NCKAP5L: variants seen among roughly 807,000 people sequenced by gnomAD.
NCKAP5L encodes the protein nck-associated protein 5-like.
A neutral mutation model predicts 103.2 loss-of-function variants in NCKAP5L; 54 were observed. The observed-to-expected ratio is 0.52, with a 90% confidence interval of 0.42 to 0.66. The LOEUF is 0.66. NCKAP5L is among the 30% of genes least tolerant of loss of function. NCKAP5L has a pLI of 0.00. For synonymous variants in NCKAP5L, 762 were observed against 748.6 expected, an observed-to-expected ratio of 1.02 and a Z score of -0.29; for missense variants, 1,733 against 1,750.6, an observed-to-expected ratio of 0.99 and a Z score of 0.18.
At chr12:49,803,309 T>G (rs1212676159) in intron 3 of NCKAP5L, 144 bp from the exon 4 acceptor site, 2 of 773,966 alleles carry the variant, frequency 2.6e-6, no homozygotes, top group African/African-American at 1.7e-5. Context: ...GAGCAGATTC[T>G]CATATGAGGA....
chr12:49,806,444 G>T (rs1248049908), intron 1 of NCKAP5L, among the ~76,000 whole-genome samples: 1 of 152,228 alleles, frequency 6.6e-6, no homozygotes, highest in East Asian at 1.9e-4. Flanking sequence ...GCTATTATCA[G>T]TGCCTGTGTT....
chr12:49,795,059 C>T lies in NCKAP5L; in HGVS notation c.2801G>A (p.Arg934His), dbSNP rs745480422. 24 of 1,610,528 alleles carry T rather than the reference C, an allele frequency of 1.5e-5. No homozygotes were observed. The highest frequency in any genetic ancestry group is 6.7e-5 in the East Asian group (3 of 44,816). ...CTCCTTGTTCTTGGTGGCCTCTGTGCGGCGGTTCAGCGCTGGCAGCTTGCT... is the reference window on the plus strand; with the variant it reads ...CTCCTTGTTCTTGGTGGCCTCTGTGTGGCGGTTCAGCGCTGGCAGCTTGCT... ...KKSKLPALNR[R>H]TEATKNKEGA... Residue 934 changes from arginine (R) to histidine (H), a missense_variant, in exon 8 of 13, where the codon CGC becomes CAC. Arg to His is a conservative substitution (Grantham distance 29, BLOSUM62 0). Transcript: ENST00000335999.
At chr12:49,807,244 T>C (rs2137019904) in intron 1 of NCKAP5L, among the ~76,000 whole-genome samples, 1 of 142,000 alleles carries the variant, frequency 7.0e-6, no homozygotes, top group African/African-American at 2.8e-5. Flanking sequence ...AGAATGCTTC[T>C]TCGTGTGTGT....
At position 49,795,961 on chromosome 12, in the gene NCKAP5L, G is replaced by C. The variant is rs376915524; in HGVS notation, c.1899C>G (p.Pro633=). ...ATGAGTTGCCTGGGGTCCTGCGGCC[G>C]GGATGGGGAGACTCCGAGCCTGCCT... ...LDKAGSESPH[P]GRRTPGNSSK... is the part of the protein sequence containing the mutation. The change falls in exon 8 of 13, where the codon CCC becomes CCG. Residue 633 remains proline (P), a synonymous_variant. Transcript: ENST00000335999. 2.8e-5 allele frequency: 43 copies of C among 1,533,350 alleles called. No individual in the cohort carries two copies. The highest frequency in any genetic ancestry group is 3.7e-5 in the Non-Finnish European group (42 of 1,146,926). The allele number at this position is 1,533,350 out of a possible 1,614,324, so 95.0% of individuals were successfully genotyped here.
chr12:49,796,577 G>A lies in NCKAP5L; in HGVS notation c.1283C>T (p.Ser428Phe). The A allele has an allele frequency of 1.2e-6, 2 of 1,602,820 alleles. No individual in the cohort carries two copies. The highest frequency in any genetic ancestry group is 1.7e-5 in the Admixed American group (1 of 57,926). Residue 428 changes from serine (S) to phenylalanine (F), a missense_variant, in exon 8 of 13, where the codon TCT becomes TTT. Transcript: ENST00000335999. Reference sequence around the variant, plus strand: ...AATTTGGAGCTTGCTTTTCACCTGAGATGAGGAATGGGGGTGGCCAGGCCG... The same window carrying A: ...AATTTGGAGCTTGCTTTTCACCTGAAATGAGGAATGGGGGTGGCCAGGCCG... Reference protein sequence around the residue: ...GSRPGHPHSSSQVKSKLQIGP... With the variant: ...GSRPGHPHSSFQVKSKLQIGP...
In NCKAP5L at chr12:49,792,876, G is replaced by A. The variant is rs759471693; in HGVS notation, c.3451C>T (p.Arg1151Trp). 1.9e-5 allele frequency: 29 copies of A among 1,545,440 alleles called. No individual in the cohort carries two copies. Among genetic ancestry groups the A allele is most frequent in the Non-Finnish European group, 2.3e-5 (27 of 1,152,178 alleles). The change falls in exon 11 of 13, where the codon CGG becomes TGG. Residue 1151 changes from arginine to tryptophan, a missense_variant. By Grantham distance (101) the Arg-to-Trp change is moderately radical. Coordinates refer to ENST00000335999, the MANE Select transcript of NCKAP5L (RefSeq NM_001037806.4). The surrounding 1 kb of genome is among the most constrained non-coding windows in gnomAD (Gnocchi z 4.5). ...SKNLPKTKPP[R>W]LDPPPGVPPA... ...GGTACCCCAGGTGGGGGATCCAGCC[G>A]CGGTGGCTTGGTCTTAGGAAGATTC...
At position 49,795,692 on chromosome 12, in the gene NCKAP5L, C is replaced by A. The variant is rs190797546; in HGVS notation, c.2168G>T (p.Gly723Val). The change falls in exon 8 of 13, where the codon GGG becomes GTG. Residue 723 changes from glycine to valine, a missense_variant. Physicochemically the swap from Gly to Val is moderately radical, Grantham distance 109. Transcript: ENST00000335999. ...HRPLEQLEAK[G>V]GIRGAVALGT... Reference sequence around the variant, plus strand: ...CAAGGCCACTGCCCCCCGTATCCCCCCCTTGGCTTCTAGCTGCTCCAGTGG... The same window carrying A: ...CAAGGCCACTGCCCCCCGTATCCCCACCTTGGCTTCTAGCTGCTCCAGTGG... The A allele has an allele frequency of 3.2e-5, 52 of 1,612,304 alleles. No individual in the cohort carries two copies. In the Admixed American group the frequency reaches 6.0e-4, roughly 19 times the overall value.
intron 1 of NCKAP5L, among the ~76,000 whole-genome samples, chr12:49,819,212 C>T (rs919699333): frequency 2.6e-5 from 4 of 151,000 alleles, no homozygotes; most frequent in Non-Finnish European, 4.4e-5. Flanking sequence ...CCTGGGAGGC[C>T]GAGGCGGGAG....
rs140147854 is a variant in NCKAP5L at position 49,802,539 on chromosome 12, G to A, written c.231+419C>T. 3.4e-3 allele frequency: 600 copies of A among 176,358 alleles called. 15 individuals are homozygous for A. The highest frequency in any genetic ancestry group is 0.031 in the Admixed American group (560 of 18,126). 10.9% of individuals were successfully genotyped at this position (176,358 alleles called of 1,614,324 possible). ...TGGGATTGCAGGCGTGAGCCACCGC[G>A]CCTGGCCCTCTGCCTCTTAGAAACC... On this transcript the variant is annotated intron_variant, in intron 5 of 12. Transcript: ENST00000335999.
chr12:49,819,545 G>T (rs1010116227), intron 1 of NCKAP5L, among the ~76,000 whole-genome samples: 1 of 152,166 alleles, frequency 6.6e-6, no homozygotes, highest in Non-Finnish European at 1.5e-5. Context: ...TGAATCTGGA[G>T]AACATTATGT....
At chr12:49,810,436 G>A (rs1946227699) in intron 1 of NCKAP5L, among the ~76,000 whole-genome samples, 1 of 152,194 alleles carries the variant, frequency 6.6e-6, no homozygotes. Context: ...CCGTCTCCCC[G>A]AGATGAGTTT....
Position 49,796,262 on chromosome 12 carries a change from G to C in NCKAP5L, c.1598C>G (p.Thr533Arg). ...GGCTGACTGCGGGGGTCTGAGCTGT[G>C]TGGAGTCTGGGGTTGTGTAGCAGGG... is the stretch of plus-strand genomic sequence containing the variant. ...PSPCYTTPDS[T>R]QLRPPQSALS... The change falls in exon 8 of 13, where the codon ACA (threonine) becomes AGA (arginine). Residue 533 changes from threonine (T) to arginine (R), a missense_variant. Physicochemically the swap from Thr to Arg is moderately conservative, Grantham distance 71 (BLOSUM62 -1). Coordinates refer to ENST00000335999, the MANE Select transcript of NCKAP5L (RefSeq NM_001037806.4). 2 of 1,561,098 alleles carry C rather than the reference G, an allele frequency of 1.3e-6. No homozygotes were observed. The highest frequency in any genetic ancestry group is 1.7e-6 in the Non-Finnish European group (2 of 1,153,560).
chr12:49,807,868 G>A (rs1946197974), intron 1 of NCKAP5L, among the ~76,000 whole-genome samples: 1 of 152,160 alleles, frequency 6.6e-6, no homozygotes, highest in Non-Finnish European at 1.5e-5. Flanking sequence ...ATGCTGTGGA[G>A]GAAGAGAAAA....
intron 1 of NCKAP5L, among the ~76,000 whole-genome samples, chr12:49,811,924 G>A (rs565890966): frequency 6.6e-6 from 1 of 152,166 alleles, no homozygotes; most frequent in South Asian, 2.1e-4. Context: ...CCCTTAACCT[G>A]GTCCGACTTC....
At chr12:49,822,059 T>C (rs976357198) in intron 1 of NCKAP5L, among the ~76,000 whole-genome samples, 3 of 152,136 alleles carry the variant, frequency 2.0e-5, no homozygotes, top group Non-Finnish European at 4.4e-5. Context: ...AAATAGGTCA[T>C]GGAGGTGGAG....
rs375266477 is a variant in NCKAP5L, at chr12:49,827,272, G to C, written c.-99+1050C>G. Among the ~76,000 whole-genome samples the C allele has an allele frequency of 5.9e-5, 9 of 152,320 alleles. No homozygotes were observed. In the East Asian group the frequency reaches 1.4e-3, roughly 23 times the overall value. Reference sequence around the variant, plus strand: ...ATTGTGCTTAAGAAGGAGGACCCATGACAGACGCGGAGAAGTGGGAGGGAG... The same window carrying C: ...ATTGTGCTTAAGAAGGAGGACCCATCACAGACGCGGAGAAGTGGGAGGGAG... On this transcript the variant is annotated intron_variant, in intron 1 of 12. Transcript: ENST00000335999.
rs761756155 is a variant in NCKAP5L at position 49,798,512 on chromosome 12, C to A, written c.352-49G>T. The A allele has an allele frequency of 7.7e-5, 112 of 1,446,204 alleles. No individual in the cohort carries two copies. The South Asian group carries it at 1.3e-3, about 17-fold the overall frequency. 89.6% of individuals were successfully genotyped at this position (1,446,204 alleles called of 1,614,324 possible). A position where few individuals can be genotyped will look rare whatever the true frequency, so the allele number is the denominator to read the frequency against. Reference sequence around the variant, plus strand: ...GCACAGTAGCTGTCTGACCCCAGCTCCCTACTCCCTCGCAAAGCCAGGCCT... The same window carrying A: ...GCACAGTAGCTGTCTGACCCCAGCTACCTACTCCCTCGCAAAGCCAGGCCT... On this transcript the variant is annotated intron_variant, in intron 6 of 12. Transcript: ENST00000335999.
rs1946067124 is a variant in NCKAP5L, at chr12:49,797,271, G to A, written c.589C>T (p.Leu197=). ...KAQILEVLRA[L]EETDPLLLCS... ...AGAAGCAAGGGGTCAGTCTCTTCCA[G>A]GGCTCTCAGCACCTCCAGAATCTGG... The change falls in exon 8 of 13, where the codon CTG becomes TTG. Residue 197 remains leucine, a synonymous_variant. Transcript: ENST00000335999. The surrounding 1 kb of genome is among the most constrained non-coding windows in gnomAD (Gnocchi z 4.5). 3 of 1,613,460 alleles carry A rather than the reference G, an allele frequency of 1.9e-6. No individual in the cohort carries two copies. Among genetic ancestry groups the A allele is most frequent in the African/African-American group, 2.7e-5 (2 of 74,914 alleles).
rs765252704 is a variant in NCKAP5L at position 49,796,598 on chromosome 12, G to A, written c.1262C>T (p.Pro421Leu). 3.7e-6 allele frequency: 6 copies of A among 1,602,298 alleles called. No homozygotes were observed. Among genetic ancestry groups the A allele is most frequent in the Non-Finnish European group, 5.1e-6 (6 of 1,175,670 alleles). Reference protein sequence around the residue: ...GAGDAPLGSRPGHPHSSSQVK... With the variant: ...GAGDAPLGSRLGHPHSSSQVK... ...CTGAGATGAGGAATGGGGGTGGCCA[G>A]GCCGAGAGCCCAGTGGGGCATCCCC... is the stretch of plus-strand genomic sequence containing the variant. Residue 421 changes from proline (P) to leucine (L), a missense_variant, in exon 8 of 13, where the codon CCT (proline) becomes CTT (leucine). Transcript: ENST00000335999.
Sources: allele counts gnomAD v4.1 joint callset (sites outside exome capture counted in the v4.1 genomes callset), GRCh38; gene constraint gnomAD v4.1.1; non-coding constraint Gnocchi (gnomAD v3.1); transcripts MANE v1.5; gene names NCBI Gene and HGNC (gene_info 2026-07-23, HGNC 2026-07-21).